Variants in NAV1 observed in about 807,000 individuals in gnomAD.
NAV1 encodes neuron navigator 1.
In NAV1, 18 loss-of-function variants were observed where a neutral mutation model predicts 175.2. That is an observed-to-expected ratio of 0.10 (90% CI 0.07 to 0.15). The LOEUF (loss-of-function observed/expected upper bound fraction) is 0.15. Among genes scored for constraint, NAV1 ranks in the 10% least tolerant of loss-of-function variants. The pLI is 1.00. For synonymous variants in NAV1, 897 were observed against 978.7 expected (o/e 0.92, Z 1.56); for missense variants, 1,731 against 2,436.6 (o/e 0.71, Z 6.10).
intron 15 of NAV1, 29 bp from the exon 20 acceptor site, chr1:201,803,564 A>G (rs1678074110): frequency 1.2e-6 from 2 of 1,608,546 alleles, no homozygotes; most frequent in Non-Finnish European, 8.5e-7. Flanking sequence ...AATCTGTTCT[A>G]TGTTTTTCCC....
rs1442542459 is a variant in NAV1, at chr1:201,788,889, A to G, written c.3166+251A>G. On this transcript the variant is annotated intron_variant, in intron 10 of 29. Coordinates refer to ENST00000367296, the Ensembl canonical transcript of NAV1. This position sits in a 1 kb window ranked among gnomAD's most constrained non-coding sequence, Gnocchi z 5.7. ...TGGGGCTGGGGGAGGGAAATTGAGCATGGAAGGGTTAAATGGCATCCCTCA... is the reference window on the plus strand; with the variant it reads ...TGGGGCTGGGGGAGGGAAATTGAGCGTGGAAGGGTTAAATGGCATCCCTCA... Among the ~76,000 whole-genome samples, 1 of 152,228 alleles carries G rather than the reference A, an allele frequency of 6.6e-6. No individual in the cohort carries two copies. The highest frequency in any genetic ancestry group is 2.4e-5 in the African/African-American group (1 of 41,472).
intron 2 of NAV1, among the ~76,000 whole-genome samples, chr1:201,613,551 T>C (rs1458474449): frequency 6.6e-6 from 1 of 152,212 alleles, no homozygotes; most frequent in Non-Finnish European, 1.5e-5. Context: ...CTGTCTTCCA[T>C]GATTTTCCTC....
exon 2 of NAV1, chr1:201,712,876 G>A (rs1671968831): frequency 6.2e-7 from 1 of 1,613,922 alleles, no homozygotes; most frequent in African/African-American, 1.3e-5. Flanking sequence ...GCAGAACCTG[G>A]AAGAGACCAT....
intron 2 of NAV1, among the ~76,000 whole-genome samples, chr1:201,633,415 C>T (rs941028840): frequency 6.6e-6 from 1 of 152,190 alleles, no homozygotes; most frequent in African/African-American, 2.4e-5. Flanking sequence ...CTGAGGACAT[C>T]CAGCTAGGAG....
chr1:201,606,799 T>C (rs372440940), intron 2 of NAV1, among the ~76,000 whole-genome samples: 100 of 152,328 alleles, frequency 6.6e-4, no homozygotes, highest in South Asian at 5.0e-3. Context: ...ACATTCCCAC[T>C]GCTGAGCAAG....
intron 3 of NAV1, among the ~76,000 whole-genome samples, chr1:201,776,764 T>C (rs761954989): frequency 6.7e-6 from 1 of 149,736 alleles, no homozygotes; most frequent in Non-Finnish European, 1.5e-5. Flanking sequence ...AACTGAAAAA[T>C]GAAGAGAAAA....
intron 2 of NAV1, among the ~76,000 whole-genome samples, chr1:201,634,938 C>A (rs1299258597): frequency 3.3e-5 from 5 of 152,210 alleles, no homozygotes; most frequent in Non-Finnish European, 5.9e-5. Flanking sequence ...TGGCAAGACC[C>A]AGCTTCCCTG....
intron 1 of NAV1, among the ~76,000 whole-genome samples, chr1:201,679,035 T>C (rs1469407136): frequency 6.6e-6 from 1 of 150,962 alleles, no homozygotes; most frequent in African/African-American, 2.4e-5. Context: ...GGTTTGGAGG[T>C]GGGGCTATTT....
intron 1 of NAV1, among the ~76,000 whole-genome samples, chr1:201,700,504 T>C (rs945308863): frequency 1.2e-4 from 18 of 152,188 alleles, no homozygotes; most frequent in Non-Finnish European, 1.0e-4. Flanking sequence ...GTAAACTAGT[T>C]CAGCCATTGT....
At chr1:201,773,600 T>C (rs1427050150) in intron 3 of NAV1, among the ~76,000 whole-genome samples, 5 of 152,136 alleles carry the variant, frequency 3.3e-5, no homozygotes, top group African/African-American at 1.2e-4. Context: ...CAATCAATGA[T>C]GTGTTACAGT....
chr1:201,570,154 G>A (rs1367979979), intron 1 of NAV1, among the ~76,000 whole-genome samples: 1 of 152,188 alleles, frequency 6.6e-6, no homozygotes, highest in Non-Finnish European at 1.5e-5. Context: ...AAAAAAATCA[G>A]AGCAGGTGGA....
At chr1:201,703,669 C>T (rs767766172) in intron 1 of NAV1, among the ~76,000 whole-genome samples, 11 of 152,256 alleles carry the variant, frequency 7.2e-5, no homozygotes, top group South Asian at 2.1e-4. Context: ...CTCGTCTCCC[C>T]GGCCCAAGTT....
chr1:201,548,069 G>A (rs1293608873), intron 1 of NAV1, among the ~76,000 whole-genome samples: 1 of 152,234 alleles, frequency 6.6e-6, no homozygotes, highest in Non-Finnish European at 1.5e-5. Context: ...TGAAATTACA[G>A]GCGTGAGCCA....
intron 2 of NAV1, among the ~76,000 whole-genome samples, chr1:201,613,057 G>C (rs1308052402): frequency 6.6e-6 from 1 of 152,192 alleles, no homozygotes; most frequent in Non-Finnish European, 1.5e-5. Context: ...CTTGGAAAGA[G>C]ACCTGTGTGG....
chr1:201,741,440 G>A lies in NAV1; in HGVS notation c.1226+22685G>A, dbSNP rs186668772. On this transcript the variant is annotated intron_variant, in intron 3 of 29. Coordinates refer to ENST00000367296, the Ensembl canonical transcript of NAV1. Reference sequence around the variant, plus strand: ...TGAGCAGAGAATAAACCCATGTAGGGACCTCTTACTTCAGGTGAGATCCTG... The same window carrying A: ...TGAGCAGAGAATAAACCCATGTAGGAACCTCTTACTTCAGGTGAGATCCTG... Among the ~76,000 whole-genome samples the A allele has an allele frequency of 1.6e-3, 251 of 152,216 alleles. 1 individual carries two copies. The highest frequency in any genetic ancestry group is 3.4e-3 in the Middle Eastern group (1 of 294).
chr1:201,686,535 A>G (rs1004159272), intron 1 of NAV1, among the ~76,000 whole-genome samples: 1 of 152,218 alleles, frequency 6.6e-6, no homozygotes, highest in African/African-American at 2.4e-5. Flanking sequence ...GCACTGGTAG[A>G]TACTTTGTCT....
chr1:201,676,627 C>T (rs1051026237), intron 1 of NAV1, among the ~76,000 whole-genome samples: 5 of 152,294 alleles, frequency 3.3e-5, no homozygotes, highest in Middle Eastern at 3.4e-3. Context: ...CCATTCTCCC[C>T]GCAACACCCA....
chr1:201,712,331 C>A (rs888796451), intron 1 of NAV1, among the ~76,000 whole-genome samples: 6 of 152,138 alleles, frequency 3.9e-5, no homozygotes, highest in African/African-American at 1.4e-4. Context: ...TGAAAGTGGC[C>A]ATGATAGGAG....
intron 2 of NAV1, among the ~76,000 whole-genome samples, chr1:201,595,066 G>A (rs187790747): frequency 7.0e-4 from 107 of 152,332 alleles, no homozygotes; most frequent in Middle Eastern, 3.4e-3. Context: ...GACCTGCCAC[G>A]CCTGAGGACT....
Sources: gnomAD v4.1 joint callset for allele counts (sites outside exome capture counted in the v4.1 genomes callset) on GRCh38, gnomAD v4.1.1 for gene constraint, Gnocchi (gnomAD v3.1) non-coding constraint, MANE v1.5 for transcripts, NCBI Gene and HGNC (gene_info 2026-07-23, HGNC 2026-07-21) for gene names.